The following HELB variants were observed in gnomAD, a reference collection of about 807,000 sequenced individuals.
HELB encodes the protein DNA helicase B, also known as DNA 5'-3' helicase B.
In HELB, 96 loss-of-function variants were observed where a neutral mutation model predicts 101.7. That is an observed-to-expected ratio of 0.94 (90% CI 0.80 to 1.12). HELB has a LOEUF of 1.12. Ranked by LOEUF, HELB falls within the 50% of genes most tolerant of loss-of-function variation. The probability of loss-of-function intolerance (pLI) is 0.00; values close to 1 mark genes in which losing one functional copy is unlikely to be tolerated. For synonymous variants in HELB, 437 were observed against 459.7 expected, an observed-to-expected ratio of 0.95 and a Z score of 0.63; for missense variants, 1,210 against 1,291.9, an observed-to-expected ratio of 0.94 and a Z score of 0.97.
intron 6 of HELB, 99 bp from the exon 7 acceptor site, chr12:66,318,539 A>G: frequency 9.2e-7 from 1 of 1,084,376 alleles, no homozygotes; most frequent in Admixed American, 2.8e-5. Context: ...GTTATCTATT[A>G]ATAGATACTA....
rs770182351 is a variant in HELB, at chr12:66,313,993, A to G, written c.1688A>G (p.Tyr563Cys). The G allele has an allele frequency of 1.2e-6, 2 of 1,613,562 alleles. No individual in the cohort carries two copies. The highest frequency in any genetic ancestry group is 4.5e-5 in the East Asian group (2 of 44,852). ...LHAYTLCQVN[Y>C]SFYSWTQTMM... ...GCCATACTTTGCTTGTAGGTCAATT[A>G]TAGCTTCTATTCATGGACTCAAACA... is the stretch of plus-strand genomic sequence containing the variant. Residue 563 changes from tyrosine (Y) to cysteine (C), a missense_variant, in exon 5 of 13, where the codon TAT (tyrosine) becomes TGT (cysteine). Around this residue, in one of 2 missense-constraint regions of HELB, gnomAD observed 740 missense variants for 728.8 expected, o/e 1.02. Transcript: ENST00000247815.
chr12:66,342,543 T>C (rs1160280948), downstream of HELB: 1 of 151,202 alleles, frequency 6.6e-6, no homozygotes, highest in Admixed American at 6.6e-5. Flanking sequence ...CCTGGCTAAT[T>C]TTTTTTTGTA....
intron 11 of HELB, among the ~76,000 whole-genome samples, chr12:66,328,557 A>G (rs894868273): frequency 6.6e-6 from 1 of 152,206 alleles, no homozygotes; most frequent in Non-Finnish European, 1.5e-5. Flanking sequence ...AAACAAAAAC[A>G]AATAAACAAA....
intron 3 of HELB, among the ~76,000 whole-genome samples, chr12:66,307,107 T>C (rs2053485764): frequency 1.3e-5 from 2 of 152,200 alleles, no homozygotes; most frequent in Non-Finnish European, 2.9e-5. Context: ...TTAATCTTGG[T>C]AGTTCTTGCT....
Position 66,326,725 on chromosome 12 carries a change from T to A in HELB, c.2670+1599T>A, listed in dbSNP as rs1025902861. Among the ~76,000 whole-genome samples, 28 of 36,796 alleles carry A rather than the reference T, an allele frequency of 7.6e-4. No homozygotes were observed. The South Asian group carries it at 0.023, about 31-fold the overall frequency. The allele number at this position is 36,796 out of a possible 152,430, so 24.1% of individuals were successfully genotyped here. On this transcript the variant is annotated intron_variant, in intron 11 of 12. Coordinates refer to ENST00000247815, the MANE Select transcript of HELB (RefSeq NM_001370285.1). ...TTAAAAATGCCCACAATTCAGCTGA[T>A]TTTTTTTTTTTAAAGGTAAAAAAGG...
intron 5 of HELB, 47 bp from the exon 6 acceptor site, chr12:66,315,195 A>G: frequency 1.4e-6 from 2 of 1,398,482 alleles, no homozygotes; most frequent in South Asian, 1.6e-5. Context: ...TCTTGGGGGT[A>G]TTTTTTCTCA....
Position 66,331,607 on chromosome 12 carries a change from G to T in HELB, c.3124G>T (p.Gly1042Cys). The T allele has an allele frequency of 6.2e-7, 1 of 1,608,090 alleles. No homozygotes were observed. The change falls in exon 12 of 13, where the codon GGT becomes TGT. Residue 1042 changes from glycine to cysteine, a missense_variant. Coordinates refer to ENST00000247815, the MANE Select transcript of HELB (RefSeq NM_001370285.1). ...ATCGCGAGCATCCAAAAGAACCTGT[G>T]GTGTGAATGATGATGAAAGTCCAAG... ...PKSRASKRTC[G>C]VNDDESPSKI...
rs768261868 is a variant in HELB at position 66,324,195 on chromosome 12, T to G, written c.2510T>G (p.Ile837Arg). 169 of 1,606,418 alleles carry G rather than the reference T, an allele frequency of 1.1e-4. No individual in the cohort carries two copies. The highest frequency in any genetic ancestry group is 1.3e-4 in the Non-Finnish European group (152 of 1,174,140). ...ESNVRLCNGE[I>R]FFITNDVTDV... is the part of the protein sequence containing the mutation. ...AACGTTCGACTGTGCAATGGAGAGA[T>G]ATTTTTCATAACAAATGTAAGTGAA... The change falls in exon 10 of 13, where the codon ATA becomes AGA. Residue 837 changes from isoleucine to arginine, a missense_variant. This residue lies in a region of HELB where 740 missense variants were observed against 728.8 expected (regional missense o/e 1.02). Transcript: ENST00000247815.
At position 66,305,121 on chromosome 12, in the gene HELB, A is replaced by G. The variant is rs1217296847; in HGVS notation, c.578A>G (p.Asn193Ser). 2.5e-6 allele frequency: 4 copies of G among 1,573,628 alleles called. No individual in the cohort carries two copies. Among genetic ancestry groups the G allele is most frequent in the Non-Finnish European group, 3.4e-6 (4 of 1,165,070 alleles). The change falls in exon 2 of 13, where the codon AAT becomes AGT. Residue 193 changes from asparagine to serine, a missense_variant. Physicochemically the swap from Asn to Ser is conservative, Grantham distance 46 (BLOSUM62 1). Around this residue, in one of 2 missense-constraint regions of HELB, gnomAD observed 470 missense variants for 563.1 expected, o/e 0.83. Coordinates refer to ENST00000247815, the MANE Select transcript of HELB (RefSeq NM_001370285.1). ...QNGQEELFLD[N>S]EMSLPLENTI... Reference sequence around the variant, plus strand: ...GGTCAGGAAGAGTTGTTCCTAGACAATGAGATGAGTCTTCCTCTGGAAAAC... The same window carrying G: ...GGTCAGGAAGAGTTGTTCCTAGACAGTGAGATGAGTCTTCCTCTGGAAAAC...
At position 66,331,160 on chromosome 12, in the gene HELB, G is replaced by A. The variant is rs201102571; in HGVS notation, c.2677G>A (p.Glu893Lys). ...ACCATATTTTTCCTGCCAGGGGTCC[G>A]AGGAGCAAACAGTTGTCTATGTGGT... The part of the protein sequence containing the change: ...ARTIHTFQGS[E>K]EQTVVYVVGK... The change falls in exon 12 of 13, where the codon GAG (glutamate) becomes AAG (lysine). Residue 893 changes from glutamate to lysine, a missense_variant. By Grantham distance (56) the Glu-to-Lys change is moderately conservative (BLOSUM62 1). Transcript: ENST00000247815. 121 of 1,601,388 alleles carry A rather than the reference G, an allele frequency of 7.6e-5. No homozygotes were observed. The East Asian group carries it at 2.5e-3, about 33-fold the overall frequency.
At chr12:66,342,264 C>G (rs2053923040), downstream of HELB, 1 of 151,878 alleles carries the variant, frequency 6.6e-6, no homozygotes, top group African/African-American at 2.4e-5. Flanking sequence ...AGAGATTATT[C>G]TTTCCCCATT....
rs561604411 is a variant in HELB at position 66,322,828 on chromosome 12, C to A, written c.2297+45C>A. ...GAAACTTTTAAGGACAGTCCTTCTT[C>A]GATTTGCTGGTTTTTTTTTTTGCTT... is the stretch of plus-strand genomic sequence containing the variant. On this transcript the variant is annotated intron_variant, in intron 9 of 12. Transcript: ENST00000247815. 8.4e-6 allele frequency: 11 copies of A among 1,310,704 alleles called. No individual in the cohort carries two copies. In the East Asian group the frequency reaches 2.4e-4, roughly 28 times the overall value. The allele number at this position is 1,310,704 out of a possible 1,614,324, so 81.2% of individuals were successfully genotyped here.
Position 66,338,034 on chromosome 12 carries a change from C to G in HELB, c.3196C>G (p.Gln1066Glu), listed in dbSNP as rs2053884809. 9 of 1,604,216 alleles carry G rather than the reference C, an allele frequency of 5.6e-6. No individual in the cohort carries two copies. Among genetic ancestry groups the G allele is most frequent in the African/African-American group, 1.3e-5 (1 of 74,668 alleles). Residue 1066 changes from glutamine (Q) to glutamate (E), a missense_variant, in exon 13 of 13, where the codon CAG (glutamine) becomes GAG (glutamate). Gln to Glu is a conservative substitution (Grantham distance 29). This residue lies in a region of HELB where 740 missense variants were observed against 728.8 expected (regional missense o/e 1.02). Coordinates refer to ENST00000247815, the MANE Select transcript of HELB (RefSeq NM_001370285.1). ...GESPQVSSRL[Q>E]NLRLNNLIPR... ...ATCTCCACAAGTGTCTTCCAGACTT[C>G]AGAATTTGAGACTGAATAATTTAAT...
chr12:66,309,574 T>C, intron 3 of HELB, 132 bp from the exon 4 acceptor site: 1 of 503,054 alleles, frequency 2.0e-6, no homozygotes. Context: ...AGAAAATTAG[T>C]GATGTTCTAT....
chr12:66,320,036 T>G lies in HELB; in HGVS notation c.2155+1244T>G, dbSNP rs146991286. Among the ~76,000 whole-genome samples, 382 of 151,612 alleles carry G rather than the reference T, an allele frequency of 2.5e-3. 3 individuals are homozygous for G. The highest frequency in any genetic ancestry group is 4.5e-3 in the Non-Finnish European group (305 of 67,886). On this transcript the variant is annotated intron_variant, in intron 7 of 12. Coordinates refer to ENST00000247815, the MANE Select transcript of HELB (RefSeq NM_001370285.1). Reference sequence around the variant, plus strand: ...TGAGGTTATTGTGCTTTCATTCTAGTGTGGGAAACAGATAATTAAAAAGTG... The same window carrying G: ...TGAGGTTATTGTGCTTTCATTCTAGGGTGGGAAACAGATAATTAAAAAGTG...
At chr12:66,333,184 A>C (rs2053828229) in intron 12 of HELB, among the ~76,000 whole-genome samples, 1 of 152,176 alleles carries the variant, frequency 6.6e-6, no homozygotes, top group Non-Finnish European at 1.5e-5. Flanking sequence ...CAAATTTCAG[A>C]TTAAGAGTCT....
rs2053806407 is a variant in HELB, at chr12:66,331,441, C to T, written c.2958C>T (p.Leu986=). ...CCAGCACACCGTCAGCATCTCCACT[C>T]CCTGTAGTCACAGACCACGCCATGA... ...GGPSTPSASP[L]PVVTDHAMTN... Residue 986 remains leucine (L), a synonymous_variant, in exon 12 of 13, where the codon CTC becomes CTT. Coordinates refer to ENST00000247815, the MANE Select transcript of HELB (RefSeq NM_001370285.1). The T allele has an allele frequency of 1.2e-6, 2 of 1,614,210 alleles. No homozygotes were observed. The highest frequency in any genetic ancestry group is 2.2e-5 in the East Asian group (1 of 44,882).
rs191528537 is a variant in HELB, at chr12:66,329,160, A to G, written c.2671-1994A>G. Among the ~76,000 whole-genome samples, 25 of 152,364 alleles carry G rather than the reference A, an allele frequency of 1.6e-4. No homozygotes were observed. In the East Asian group the frequency reaches 4.6e-3, roughly 28 times the overall value. On this transcript the variant is annotated intron_variant, in intron 11 of 12. Coordinates refer to ENST00000247815, the MANE Select transcript of HELB (RefSeq NM_001370285.1). ...ATTTAAAGCAATGAGGAAATTATTTATAGCAGGTTATCAAGGTGAAGTTAG... is the reference window on the plus strand; with the variant it reads ...ATTTAAAGCAATGAGGAAATTATTTGTAGCAGGTTATCAAGGTGAAGTTAG...
chr12:66,306,229 AATCT>A, intron 2 of HELB, 112 bp from the exon 3 acceptor site: 2 of 653,810 alleles, frequency 3.1e-6, no homozygotes, highest in Non-Finnish European at 4.8e-6. Context: ...CAAGTGTACT[AATCT>A]GTTTTTGACT....
Sources: allele counts gnomAD v4.1 joint callset (sites outside exome capture counted in the v4.1 genomes callset), GRCh38; gene constraint gnomAD v4.1.1; regional missense constraint gnomAD v4.1.1; transcripts MANE v1.5; gene names NCBI Gene and HGNC (gene_info 2026-07-23, HGNC 2026-07-21).